The following TRMU variants were observed in gnomAD, a reference collection of about 807,000 sequenced individuals.
TRMU encodes the protein tRNA mitochondrial 2-thiouridylase, also known as mitochondrial tRNA-specific 2-thiouridylase 1.
A neutral mutation model predicts 46.9 loss-of-function variants in TRMU; 49 were observed. That is an observed-to-expected ratio of 1.05 (90% CI 0.83 to 1.33). The LOEUF (loss-of-function observed/expected upper bound fraction) is 1.33, where lower values mean the gene tolerates loss of function less well. Among genes scored for constraint, TRMU ranks in the 40% most tolerant of loss-of-function variants. The probability of loss-of-function intolerance (pLI) is 0.00; values close to 1 mark genes in which losing one functional copy is unlikely to be tolerated. For synonymous variants in TRMU, 241 were observed against 200.9 expected, an observed-to-expected ratio of 1.20 and a Z score of -1.69; for missense variants, 572 against 532.4, an observed-to-expected ratio of 1.07 and a Z score of -0.73.
In TRMU at chr22:46,356,590, C is replaced by T. The variant is rs570900491; in HGVS notation, c.1102-252C>T. ...AGAGACCTGCCAGTCCCTTGGAGTC[C>T]CAGGAGAGGCCCCTGTGACTGTCCC... is the stretch of plus-strand genomic sequence containing the variant. On this transcript the variant is annotated intron_variant, in intron 10 of 10. Coordinates refer to ENST00000645190, the MANE Select transcript of TRMU (RefSeq NM_018006.5). 187 of 555,442 alleles carry T rather than the reference C, an allele frequency of 3.4e-4. 3 individuals carry two copies. In the South Asian group the frequency reaches 4.1e-3, roughly 12 times the overall value. 34.4% of individuals were successfully genotyped at this position (555,442 alleles called of 1,614,324 possible). A position where few individuals can be genotyped will look rare whatever the true frequency, so the allele number is the denominator to read the frequency against.
In TRMU at chr22:46,348,265, C is replaced by T. The variant is rs1172009906; in HGVS notation, c.478+1721C>T. Among the ~76,000 whole-genome samples the T allele has an allele frequency of 1.3e-5, 2 of 152,204 alleles. No individual in the cohort carries two copies. Among genetic ancestry groups the T allele is most frequent in the South Asian group, 2.1e-4 (1 of 4,826 alleles). ...ATTACCTCCTAGAACACTGTGTGCC[C>T]TGCAGAGCCATCGACCTTTATTATA... On this transcript the variant is annotated intron_variant, in intron 4 of 10. Transcript: ENST00000645190. The surrounding 1 kb of genome is among the most constrained non-coding windows in gnomAD (Gnocchi z 4.8).
At chr22:46,354,068 T>G in intron 8 of TRMU, 1 of 554,040 alleles carries the variant, frequency 1.8e-6, no homozygotes, top group Non-Finnish European at 3.3e-6. Flanking sequence ...TTAGGCTGAG[T>G]TGTATGCTGG....
chr22:46,354,598 A>AG (rs575076196), intron 8 of TRMU: 1 of 152,874 alleles, frequency 6.5e-6, no homozygotes, highest in South Asian at 2.1e-4. Context: ...GCCTTCTCTT[A>AG]GACGGAGGCG....
rs1003234217 is a variant in TRMU at position 46,357,141 on chromosome 22, G to A, written c.*135G>A. 3 of 1,222,188 alleles carry A rather than the reference G, an allele frequency of 2.5e-6. No individual in the cohort carries two copies. In the African/African-American group the frequency reaches 4.5e-5, roughly 18 times the overall value. The allele number at this position is 1,222,188 out of a possible 1,614,324, so 75.7% of individuals were successfully genotyped here. A position where few individuals can be genotyped will look rare whatever the true frequency, so the allele number is the denominator to read the frequency against. On this transcript the variant is annotated 3_prime_UTR_variant, in exon 11 of 11. Transcript: ENST00000645190. ...GCCGGGCTGGCTGAGGGTCCGAAAA[G>A]CCTGCAGGGGCCCGGCGAGCCCCAG...
At chr22:46,355,389 C>G in intron 8 of TRMU, 55 bp from the exon 9 acceptor site, 1 of 1,598,530 alleles carries the variant, frequency 6.3e-7, no homozygotes, top group Non-Finnish European at 8.5e-7. Flanking sequence ...ACACTGAGGC[C>G]GGCCTTGGGG....
At position 46,357,271 on chromosome 22, in the gene TRMU, CAG is replaced by C. The variant is rs149055127; in HGVS notation, c.*268_*269del. The C allele has an allele frequency of 4.9e-3, 2,780 of 569,678 alleles. 42 individuals carry two copies. The highest frequency in any genetic ancestry group is 0.042 in the African/African-American group (2,237 of 53,256). 35.3% of individuals were successfully genotyped at this position (569,678 alleles called of 1,614,324 possible). A position where few individuals can be genotyped will look rare whatever the true frequency, so the allele number is the denominator to read the frequency against. On this transcript the variant is annotated 3_prime_UTR_variant, in exon 11 of 11. Coordinates refer to ENST00000645190, the MANE Select transcript of TRMU (RefSeq NM_018006.5). ...CGCCCCCAGGGAGGGTTTCCCACCT[CAG>C]AGTACACCGAGGGGACCTGCAGAGG...
intron 1 of TRMU, 83 bp from the exon 2 acceptor site, chr22:46,337,696 G>C: frequency 1.9e-6 from 3 of 1,557,918 alleles, no homozygotes; most frequent in Non-Finnish European, 2.6e-6. Context: ...AGCGTGTGGG[G>C]AACTTCTCAG....
intron 3 of TRMU, among the ~76,000 whole-genome samples, chr22:46,344,017 C>A (rs759098802): frequency 6.6e-6 from 1 of 152,164 alleles, no homozygotes; most frequent in African/African-American, 2.4e-5. Flanking sequence ...TAGGAATAAA[C>A]AAATGCCTAC....
chr22:46,335,892 C>G, intron 1 of TRMU, 46 bp downstream of exon 1: 1 of 1,531,388 alleles, frequency 6.5e-7, no homozygotes, highest in South Asian at 1.2e-5. Context: ...AATGTGTCCC[C>G]GGAAACCTGT....
rs1421778657 is a variant in TRMU, at chr22:46,357,247, G to A, written c.*241G>A. ...GGGGTGGCCCGAGTTCCCCTTCACCGCCCCCAGGGAGGGTTTCCCACCTCA... is the reference window on the plus strand; with the variant it reads ...GGGGTGGCCCGAGTTCCCCTTCACCACCCCCAGGGAGGGTTTCCCACCTCA... On this transcript the variant is annotated 3_prime_UTR_variant, in exon 11 of 11. Coordinates refer to ENST00000645190, the MANE Select transcript of TRMU (RefSeq NM_018006.5). 1.3e-5 allele frequency: 8 copies of A among 598,034 alleles called. No individual in the cohort carries two copies. The highest frequency in any genetic ancestry group is 2.0e-5 in the South Asian group (1 of 51,134). 37.0% of individuals were successfully genotyped at this position (598,034 alleles called of 1,614,324 possible). A position where few individuals can be genotyped will look rare whatever the true frequency, so the allele number is the denominator to read the frequency against.
Position 46,335,721 on chromosome 22 carries a change from G to A in TRMU, c.-44G>A, listed in dbSNP as rs370964036. ...CGGGGCGGGACTTCCGGCAAGGCGCGGAAGCGGCGGTAGCTGCAGCTGGCG... is the reference window on the plus strand; with the variant it reads ...CGGGGCGGGACTTCCGGCAAGGCGCAGAAGCGGCGGTAGCTGCAGCTGGCG... On this transcript the variant is annotated 5_prime_UTR_variant, in exon 1 of 11. Transcript: ENST00000645190. 380 of 1,537,758 alleles carry A rather than the reference G, an allele frequency of 2.5e-4. 1 individual carries two copies. In the East Asian group the frequency reaches 9.0e-3, roughly 36 times the overall value.
intron 3 of TRMU, among the ~76,000 whole-genome samples, chr22:46,345,432 G>A (rs2078227419): frequency 1.3e-5 from 2 of 152,130 alleles, no homozygotes; most frequent in Non-Finnish European, 2.9e-5. Flanking sequence ...ACCTTGTTAG[G>A]CTCTTTGGCT....
chr22:46,355,763 G>A (rs1569088864), intron 9 of TRMU, 175 bp downstream of exon 9: 4 of 1,203,956 alleles, frequency 3.3e-6, no homozygotes, highest in Non-Finnish European at 3.5e-6. Flanking sequence ...AGCGAGGCCT[G>A]GGGGTGCTGG....
chr22:46,357,191 G>T lies in TRMU; in HGVS notation c.*185G>T. On this transcript the variant is annotated 3_prime_UTR_variant, in exon 11 of 11. Coordinates refer to ENST00000645190, the MANE Select transcript of TRMU (RefSeq NM_018006.5). ...GGAAGAGCCTCAGCTCCAGGCTGGG[G>T]CTCTGGCTGCTGGAGCATCTGCTGG... is the stretch of plus-strand genomic sequence containing the variant. 2 of 763,130 alleles carry T rather than the reference G, an allele frequency of 2.6e-6. No homozygotes were observed. The highest frequency in any genetic ancestry group is 4.2e-6 in the Non-Finnish European group (2 of 471,926). The allele number at this position is 763,130 out of a possible 1,614,324, so 47.3% of individuals were successfully genotyped here.
chr22:46,353,865 G>C lies in TRMU; in HGVS notation c.871G>C (p.Val291Leu), dbSNP rs2078513643. 1.2e-6 allele frequency: 2 copies of C among 1,613,390 alleles called. No individual in the cohort carries two copies. The highest frequency in any genetic ancestry group is 1.7e-5 in the Admixed American group (1 of 59,992). The change falls in exon 8 of 11, where the codon GTG (valine) becomes CTG (leucine). Residue 291 changes from valine to leucine, a missense_variant and splice_region_variant. Transcript: ENST00000645190. ...EKDSVKGDVF[V>L]APRTDHPALY... is the part of the protein sequence containing the mutation. Reference sequence around the variant, plus strand: ...GGACAGCGTCAAGGGTGACGTGTTTGTGGTGAGTGGGCCGGCCTCTGAGAC... The same window carrying C: ...GGACAGCGTCAAGGGTGACGTGTTTCTGGTGAGTGGGCCGGCCTCTGAGAC...
At chr22:46,355,966 C>A in intron 9 of TRMU, 24 bp from the exon 10 acceptor site, 2 of 1,613,286 alleles carry the variant, frequency 1.2e-6, no homozygotes, top group Non-Finnish European at 1.7e-6. Flanking sequence ...GTGCCCCCTC[C>A]AAGGGCCCCT....
chr22:46,346,794 G>A (rs2078270636), intron 4 of TRMU, among the ~76,000 whole-genome samples: 1 of 152,246 alleles, frequency 6.6e-6, no homozygotes, highest in Non-Finnish European at 1.5e-5. Context: ...ATCAGATACT[G>A]ATAATCCAGC....
rs777199739 is a variant in TRMU at position 46,352,287 on chromosome 22, C to T, written c.729C>T (p.His243=). 1.2e-6 allele frequency: 2 copies of T among 1,614,118 alleles called. No individual in the cohort carries two copies. The highest frequency in any genetic ancestry group is 2.2e-5 in the South Asian group (2 of 91,086). The stretch of plus-strand genomic sequence containing the variant: ...AGTATCTGCAGCCTCGACCTGGTCA[C>T]TTTATTTCCATAGAAGACAATAAGG... ...LLQYLQPRPG[H]FISIEDNKVL... is the part of the protein sequence containing the mutation. Residue 243 remains histidine (H), a synonymous_variant, in exon 7 of 11, where the codon CAC becomes CAT. Coordinates refer to ENST00000645190, the MANE Select transcript of TRMU (RefSeq NM_018006.5).
rs552367785 is a variant in TRMU, at chr22:46,335,752, G to T, written c.-13G>T. On this transcript the variant is annotated 5_prime_UTR_variant, in exon 1 of 11. Coordinates refer to ENST00000645190, the MANE Select transcript of TRMU (RefSeq NM_018006.5). The stretch of plus-strand genomic sequence containing the variant: ...GGCGGTAGCTGCAGCTGGCGAAGTT[G>T]GGCGACTGGCGGATGCAGGCCTTGC... 1.9e-5 allele frequency: 29 copies of T among 1,549,548 alleles called. No individual in the cohort carries two copies. In the South Asian group the frequency reaches 2.9e-4, roughly 16 times the overall value.
Sources: allele counts gnomAD v4.1 joint callset (sites outside exome capture counted in the v4.1 genomes callset), GRCh38; gene constraint gnomAD v4.1.1; non-coding constraint Gnocchi (gnomAD v3.1); transcripts MANE v1.5; gene names NCBI Gene and HGNC (gene_info 2026-07-23, HGNC 2026-07-21).